Variants in STARD9 observed in about 807,000 individuals in gnomAD.
STARD9 encodes the protein stAR-related lipid transfer protein 9.
A neutral mutation model predicts 399.8 loss-of-function variants in STARD9; 346 were observed. That is an observed-to-expected ratio of 0.87 (90% CI 0.79 to 0.95). The LOEUF is 0.95. STARD9 is among the 40% of genes least tolerant of loss of function. The pLI is 0.00. For missense variants in STARD9, 5,832 were observed against 5,667.5 expected (o/e 1.03, Z -0.93); for synonymous variants, 2,203 against 2,143.5 (o/e 1.03, Z -0.77).
intron 21 of STARD9, 138 bp downstream of exon 21, chr15:42,681,750 T>C (rs2060433075): frequency 7.5e-6 from 6 of 798,328 alleles, no homozygotes; most frequent in Non-Finnish European, 1.2e-5. Flanking sequence ...TCTTTTCTTT[T>C]AGACACCAGA....
intron 3 of STARD9, among the ~76,000 whole-genome samples, chr15:42,600,535 T>C (rs1479554954): frequency 6.6e-6 from 1 of 151,744 alleles, no homozygotes; most frequent in African/African-American, 2.4e-5. Flanking sequence ...TCTTTTTTTT[T>C]TTTTTTTGAG....
intron 1 of STARD9, chr15:42,581,353 T>C: frequency 7.0e-7 from 1 of 1,437,072 alleles, no homozygotes; most frequent in Non-Finnish European, 9.8e-7. Flanking sequence ...TCTCCTGGTG[T>C]GGTGGAGAAG....
chr15:42,691,978 G>A lies in STARD9; in HGVS notation c.10400G>A (p.Ser3467Asn). Residue 3467 changes from serine to asparagine, a missense_variant, in exon 23 of 33, where the codon AGT becomes AAT. Transcript: ENST00000290607. Reference protein sequence around the residue: ...GMLHFGSSDISPYALPWRPEE... With the variant: ...GMLHFGSSDINPYALPWRPEE... ...CTGCACTTTGGCTCCAGTGACATCA[G>A]TCCCTATGCGCTGCCGTGGCGTCCG... The A allele has an allele frequency of 1.3e-6, 2 of 1,537,276 alleles. No homozygotes were observed. Among genetic ancestry groups the A allele is most frequent in the Non-Finnish European group, 1.7e-6 (2 of 1,146,914 alleles).
chr15:42,583,996 C>T (rs942828684), intron 2 of STARD9, among the ~76,000 whole-genome samples: 5 of 152,038 alleles, frequency 3.3e-5, no homozygotes, highest in East Asian at 1.9e-4. Context: ...AACTTCCTTC[C>T]GTACCCCTCA....
At chr15:42,580,263 C>A (rs1186094884) in intron 1 of STARD9, among the ~76,000 whole-genome samples, 3 of 152,192 alleles carry the variant, frequency 2.0e-5, no homozygotes, top group Admixed American at 2.0e-4. Context: ...GGGACAAATA[C>A]CTCAAGGTAA....
At chr15:42,659,498 A>G (rs142268818) in intron 9 of STARD9, among the ~76,000 whole-genome samples, 1 of 152,166 alleles carries the variant, frequency 6.6e-6, no homozygotes, top group East Asian at 1.9e-4. Flanking sequence ...AACTTTGGAA[A>G]AGAGTTTATC....
chr15:42,610,647 C>G (rs1016469793), intron 3 of STARD9, among the ~76,000 whole-genome samples: 2 of 152,208 alleles, frequency 1.3e-5, no homozygotes, highest in African/African-American at 4.8e-5. Flanking sequence ...CGCCCGGGTT[C>G]AAGCTTCTCC....
chr15:42,602,007 C>T (rs535127621), intron 3 of STARD9, among the ~76,000 whole-genome samples: 25 of 152,122 alleles, frequency 1.6e-4, no homozygotes, highest in African/African-American at 2.7e-4. Flanking sequence ...TCACCACGCC[C>T]GGCTCGTTTT....
chr15:42,594,353 C>T (rs955014077), intron 3 of STARD9, among the ~76,000 whole-genome samples: 2 of 152,104 alleles, frequency 1.3e-5, no homozygotes, highest in Non-Finnish European at 2.9e-5. Context: ...TGATAATGCT[C>T]CATAAGTACT....
chr15:42,638,299 C>T, intron 6 of STARD9: 1 of 602,738 alleles, frequency 1.7e-6, no homozygotes, highest in Non-Finnish European at 2.9e-6. Context: ...ACAAGCAGGT[C>T]TTTCCTTCTG....
rs1362724585 is a variant in STARD9, at chr15:42,663,294, A to G, written c.882A>G (p.Gln294=). The G allele has an allele frequency of 1.3e-6, 2 of 1,532,548 alleles. No individual in the cohort carries two copies. The highest frequency in any genetic ancestry group is 1.7e-6 in the Non-Finnish European group (2 of 1,143,136). 94.9% of individuals were successfully genotyped at this position (1,532,548 alleles called of 1,614,324 possible). A position where few individuals can be genotyped will look rare whatever the true frequency, so the allele number is the denominator to read the frequency against. ...IVISTLAQNS[Q]VFSSCQSLNS... is the part of the protein sequence containing the mutation. The stretch of plus-strand genomic sequence containing the variant: ...TCATCTTTTAAGCCCAGAACTCCCA[A>G]GTTTTCAGCAGCTGCCAGAGCCTCA... The change falls in exon 12 of 33, where the codon CAA becomes CAG. Residue 294 remains glutamine (Q), a synonymous_variant. Transcript: ENST00000290607.
intron 3 of STARD9, among the ~76,000 whole-genome samples, chr15:42,634,017 T>A (rs927532129): frequency 1.3e-5 from 2 of 151,960 alleles, no homozygotes; most frequent in South Asian, 4.2e-4. Flanking sequence ...GCTTCTATAG[T>A]AGAGCATTGA....
At chr15:42,660,876 C>T (rs960556361) in intron 9 of STARD9, among the ~76,000 whole-genome samples, 2 of 151,728 alleles carry the variant, frequency 1.3e-5, no homozygotes, top group Non-Finnish European at 2.9e-5. Context: ...CCTGATGCCA[C>T]TGAAAGTTGT....
intron 26 of STARD9, among the ~76,000 whole-genome samples, chr15:42,704,102 G>A (rs1299186718): frequency 1.3e-5 from 2 of 151,938 alleles, no homozygotes; most frequent in South Asian, 4.2e-4. Flanking sequence ...GTAGAGATGG[G>A]GTTTTACCAT....
chr15:42,707,989 C>T (rs1266154499), intron 26 of STARD9, among the ~76,000 whole-genome samples: 1 of 105,654 alleles, frequency 9.5e-6, no homozygotes, highest in Non-Finnish European at 1.7e-5. Context: ...GACAGGGCAA[C>T]ATAGAAAAAA....
intron 17 of STARD9, 104 bp downstream of exon 17, chr15:42,674,595 G>T: frequency 8.0e-7 from 1 of 1,252,378 alleles, no homozygotes; most frequent in Non-Finnish European, 1.1e-6. Context: ...GGAATCATTG[G>T]CGTATTCAGG....
chr15:42,688,148 C>A lies in STARD9; in HGVS notation c.6570C>A (p.Cys2190Ter). The A allele has an allele frequency of 6.5e-7, 1 of 1,537,376 alleles. No homozygotes were observed. The highest frequency in any genetic ancestry group is 1.2e-5 in the South Asian group (1 of 84,062). ...ICDSLGKHTT[C>*]REFTNTSLHP... The stretch of plus-strand genomic sequence containing the variant: ...ATTCTTTAGGGAAACACACAACTTG[C>A]AGAGAGTTCACCAACACTTCTCTTC... The change falls in exon 23 of 33, where the codon TGC becomes TGA. Residue 2190 changes from cysteine to a stop codon, truncating the protein, a stop_gained. Transcript: ENST00000290607. LOFTEE classifies it high-confidence loss of function.
intron 3 of STARD9, among the ~76,000 whole-genome samples, chr15:42,633,602 A>C (rs2059369411): frequency 6.7e-6 from 1 of 149,642 alleles, no homozygotes; most frequent in Non-Finnish European, 1.5e-5. Flanking sequence ...ATGATAATCT[A>C]GTTGTCAAGT....
intron 26 of STARD9, among the ~76,000 whole-genome samples, chr15:42,707,038 G>A (rs1404599815): frequency 2.6e-5 from 4 of 152,056 alleles, no homozygotes; most frequent in African/African-American, 9.7e-5. Flanking sequence ...GAATTTTTCT[G>A]TGGTTTTTGC....
Sources: allele counts gnomAD v4.1 joint callset (sites outside exome capture counted in the v4.1 genomes callset), GRCh38; gene constraint gnomAD v4.1.1; transcripts MANE v1.5; gene names NCBI Gene and HGNC (gene_info 2026-07-23, HGNC 2026-07-21).